The following CFAP95 variants were observed in gnomAD, a reference collection of about 807,000 sequenced individuals.
The protein encoded by CFAP95 is cilia and flagella associated protein 95.
At chr9:69,847,263 G>C in the CFAP95 span, among the ~76,000 whole-genome samples, 1 of 152,236 alleles carries the variant, frequency 6.6e-6, no homozygotes, top group South Asian at 2.1e-4. Flanking sequence ...TCAACAAGAT[G>C]GTTCCATTAA....
chr9:69,865,501 T>C, the CFAP95 span, among the ~76,000 whole-genome samples: 1 of 152,168 alleles, frequency 6.6e-6, no homozygotes, highest in East Asian at 1.9e-4. Context: ...CTATTCAGTG[T>C]AATTTGACTA....
chr9:69,833,928 A>G, the CFAP95 span, among the ~76,000 whole-genome samples: 13 of 152,194 alleles, frequency 8.5e-5, 1 homozygote, highest in South Asian at 2.7e-3. Context: ...AAGACTTTGT[A>G]TTATCTACTC....
At chr9:69,870,657 CA>C in the CFAP95 span, among the ~76,000 whole-genome samples, 1 of 152,188 alleles carries the variant, frequency 6.6e-6, no homozygotes, top group Non-Finnish European at 1.5e-5. Context: ...GTGGCATGGC[CA>C]CCCATGGCTA....
chr9:69,844,377 CT>C, the CFAP95 span: 1 of 516,154 alleles, frequency 1.9e-6, no homozygotes, highest in Non-Finnish European at 3.3e-6. Flanking sequence ...ATGGAAAATA[CT>C]TTATATGTCA....
the CFAP95 span, among the ~76,000 whole-genome samples, chr9:69,854,396 A>G: frequency 6.6e-6 from 1 of 152,230 alleles, no homozygotes; most frequent in Non-Finnish European, 1.5e-5. Context: ...GAGTTTGTTT[A>G]CAAATCTAGT....
the CFAP95 span, among the ~76,000 whole-genome samples, chr9:69,836,433 C>T: frequency 5.3e-5 from 8 of 152,192 alleles, no homozygotes; most frequent in East Asian, 1.9e-4. Flanking sequence ...TAGAAGTATA[C>T]GCAACAATGT....
At chr9:69,824,303 G>A in the CFAP95 span, among the ~76,000 whole-genome samples, 14 of 152,184 alleles carry the variant, frequency 9.2e-5, no homozygotes, top group African/African-American at 3.1e-4. Context: ...GACAAATACA[G>A]TTGATCCTTA....
the CFAP95 span, among the ~76,000 whole-genome samples, chr9:69,839,902 C>T: frequency 6.6e-6 from 1 of 150,678 alleles, no homozygotes; most frequent in Non-Finnish European, 1.5e-5. Flanking sequence ...ATGGTGAAAC[C>T]CCATCTCTAC....
chr9:69,864,783 A>G, the CFAP95 span, among the ~76,000 whole-genome samples: 3 of 152,214 alleles, frequency 2.0e-5, no homozygotes, highest in African/African-American at 4.8e-5. Context: ...GAAAGGGACT[A>G]CATGTAAATA....
chr9:69,895,444 A>G, the CFAP95 span, among the ~76,000 whole-genome samples: 1 of 151,282 alleles, frequency 6.6e-6, no homozygotes, highest in Admixed American at 6.6e-5. Context: ...ATACAGACAC[A>G]GTGATCTTTC....
At chr9:69,861,730 C>CAAAAAAAA in the CFAP95 span, among the ~76,000 whole-genome samples, 7 of 86,844 alleles carry the variant, frequency 8.1e-5, no homozygotes, top group Admixed American at 1.3e-4. Flanking sequence ...TCTTATGAGT[C>CAAAAAAAA]AAAAAAAAAA....
At chr9:69,898,846 A>C in the CFAP95 span, among the ~76,000 whole-genome samples, 1 of 152,190 alleles carries the variant, frequency 6.6e-6, no homozygotes, top group African/African-American at 2.4e-5. Flanking sequence ...AAAAATGTCT[A>C]AAATGTGACT....
At chr9:69,879,890 C>G in the CFAP95 span, among the ~76,000 whole-genome samples, 5 of 151,496 alleles carry the variant, frequency 3.3e-5, no homozygotes, top group East Asian at 9.7e-4. Flanking sequence ...TTTTTTTAAC[C>G]TTAGGTTCTG....
the CFAP95 span, among the ~76,000 whole-genome samples, chr9:69,891,059 A>C: frequency 6.6e-6 from 1 of 152,208 alleles, no homozygotes; most frequent in Non-Finnish European, 1.5e-5. Context: ...AAGAACCAGA[A>C]CAGCGGAAAA....
At chr9:69,901,224 GC>G in the CFAP95 span, among the ~76,000 whole-genome samples, 8 of 150,882 alleles carry the variant, frequency 5.3e-5, no homozygotes, top group Non-Finnish European at 7.4e-5. Flanking sequence ...TGCAAGCTCC[GC>G]CCCCTGGGAT....
At chr9:69,898,861 A>T in the CFAP95 span, among the ~76,000 whole-genome samples, 6 of 152,048 alleles carry the variant, frequency 3.9e-5, no homozygotes, top group African/African-American at 7.2e-5. Context: ...GTGACTCATC[A>T]TTTCCCCCCT....
the CFAP95 span, among the ~76,000 whole-genome samples, chr9:69,904,494 TTCC>T: frequency 6.6e-6 from 1 of 152,212 alleles, no homozygotes; most frequent in Non-Finnish European, 1.5e-5. Context: ...ATCCAGTTTT[TTCC>T]TCCTCTAGTC....
At chr9:69,874,529 A>G in the CFAP95 span, among the ~76,000 whole-genome samples, 6 of 152,190 alleles carry the variant, frequency 3.9e-5, no homozygotes, top group African/African-American at 1.4e-4. Context: ...AGAGTACTGG[A>G]GTGCCTCATG....
chr9:69,843,552 CTCCTCCTTCTTCTTCTTCTTCTTCTTCT>C, the CFAP95 span, among the ~76,000 whole-genome samples: 6 of 25,476 alleles, frequency 2.4e-4, 2 homozygotes, highest in Non-Finnish European at 4.8e-4. Flanking sequence ...CCTCCTCCTC[CTCCTCCTTCTTCTTCTTCTTCTTCTTCT>C]TCTTCTTCTT....
Sources: allele counts gnomAD v4.1 joint callset (sites outside exome capture counted in the v4.1 genomes callset), GRCh38; gene constraint gnomAD v4.1.1; transcripts MANE v1.5; gene names NCBI Gene and HGNC (gene_info 2026-07-23, HGNC 2026-07-21).